Variants in NLRP6 observed in about 807,000 individuals in gnomAD.
NLRP6 encodes NACHT, LRR and PYD domains-containing protein 6.
NLRP6 carries 55 observed loss-of-function variants against 70.9 expected under a neutral mutation model. That is an observed-to-expected ratio of 0.78 (90% CI 0.62 to 0.97). The LOEUF (loss-of-function observed/expected upper bound fraction) is 0.97. Among genes scored for constraint, NLRP6 ranks in the 50% least tolerant of loss-of-function variants. NLRP6 has a pLI of 0.00. For synonymous variants in NLRP6, 652 were observed against 581.9 expected (o/e 1.12, Z -1.73); for missense variants, 1,241 against 1,238.3 (o/e 1.00, Z -0.03).
chr11:280,573 G>T lies in NLRP6; in HGVS notation c.839G>T (p.Gly280Val). 1 of 1,467,120 alleles carries T rather than the reference G, an allele frequency of 6.8e-7. No individual in the cohort carries two copies. The highest frequency in any genetic ancestry group is 1.4e-5 in the South Asian group (1 of 72,426). The allele number at this position is 1,467,120 out of a possible 1,614,324, so 90.9% of individuals were successfully genotyped here. A position where few individuals can be genotyped will look rare whatever the true frequency, so the allele number is the denominator to read the frequency against. ...CAGCGGCTGCTCTTCATCCTGGACG[G>T]CGCGGACGAGCTGCCGGCGCTGGGG... The part of the protein sequence containing the change: ...QPQRLLFILD[G>V]ADELPALGGP... The change falls in exon 4 of 8, where the codon GGC becomes GTC. Residue 280 changes from glycine to valine, a missense_variant. Gly to Val is a moderately radical substitution (Grantham distance 109). Transcript: ENST00000534750.
chr11:283,086 C>T (rs1299197233), intron 5 of NLRP6, among the ~76,000 whole-genome samples: 3 of 152,134 alleles, frequency 2.0e-5, no homozygotes, highest in Admixed American at 6.5e-5. Context: ...AGTGTATTTT[C>T]CTTCTGAAGG....
rs1243591459 is a variant in NLRP6, at chr11:285,245, A to G, written c.2617A>G (p.Thr873Ala). 3.7e-6 allele frequency: 6 copies of G among 1,607,184 alleles called. No homozygotes were observed. The highest frequency in any genetic ancestry group is 5.1e-6 in the Non-Finnish European group (6 of 1,176,466). The change falls in exon 8 of 8, where the codon ACA becomes GCA. Residue 873 changes from threonine (T) to alanine (A), a missense_variant. Transcript: ENST00000534750. ...VKRAKPDLVI[T>A]HPALDGHPQP... ...GAGAGCAAAGCCGGATCTGGTCATC[A>G]CACACCCAGCGCTGGACGGCCACCC...
chr11:282,693 C>T lies in NLRP6; in HGVS notation c.2106-12C>T, dbSNP rs760763632. On this transcript the variant is annotated splice_polypyrimidine_tract_variant and intron_variant, in intron 4 of 7. Transcript: ENST00000534750. ...AGCAGGGTGGGCTTCACCTTCCTCT[C>T]TCTCCCAGCAGTTCTCAAGGCACCA... 4 of 1,609,696 alleles carry T rather than the reference C, an allele frequency of 2.5e-6. No individual in the cohort carries two copies. In the South Asian group the frequency reaches 4.4e-5, roughly 18 times the overall value.
Position 285,187 on chromosome 11 carries a change from C to A in NLRP6, c.2559C>A (p.Ser853Arg). The change falls in exon 8 of 8, where the codon AGC becomes AGA. Residue 853 changes from serine to arginine, a missense_variant. By Grantham distance (110) the Ser-to-Arg change is moderately radical. Transcript: ENST00000534750. ...QTLSLASVEL[S>R]EQSLQELQAV... ...GCAGTCTGGCCTCTGTGGAGCTGAGCGAGCAGTCACTACAGGAGCTTCAGG... is the reference window on the plus strand; with the variant it reads ...GCAGTCTGGCCTCTGTGGAGCTGAGAGAGCAGTCACTACAGGAGCTTCAGG... 2 of 1,591,808 alleles carry A rather than the reference C, an allele frequency of 1.3e-6. No individual in the cohort carries two copies. The highest frequency in any genetic ancestry group is 1.7e-6 in the Non-Finnish European group (2 of 1,168,806).
chr11:284,372 TG>T lies in NLRP6; in HGVS notation c.2343del (p.Trp781CysfsTer33), dbSNP rs1262010148. 6.2e-7 allele frequency: 1 copy of T among 1,602,784 alleles called. No homozygotes were observed. Among genetic ancestry groups the T allele is most frequent in the Non-Finnish European group, 8.5e-7 (1 of 1,173,368 alleles). ...GLRMLSEGLA[W>X]PQCRVQTVRV... ...GCGTATGCTGAGTGAGGGCCTAGCCTGGCCGCAGTGCAGGGTGCAGACGGTC... is the reference window on the plus strand; with the variant it reads ...GCGTATGCTGAGTGAGGGCCTAGCCTGCCGCAGTGCAGGGTGCAGACGGTC... On this transcript the variant is annotated frameshift_variant, in exon 6 of 8. Transcript: ENST00000534750. LOFTEE classifies it high-confidence loss of function.
At chr11:283,859 A>G (rs1317202760) in intron 5 of NLRP6, among the ~76,000 whole-genome samples, 2 of 151,740 alleles carry the variant, frequency 1.3e-5, no homozygotes, top group Non-Finnish European at 2.9e-5. Context: ...GATGTTCAGC[A>G]CACCATTATT....
chr11:281,757 A>C lies in NLRP6; in HGVS notation c.2023A>C (p.Ile675Leu). ...CCCTGCTGGACAGGCACTGCGGCTG[A>C]TCAGCTGCAGATTGGTTGCTGCGCA... Reference protein sequence around the residue: ...CCPAGQALRLISCRLVAAQEK... With the variant: ...CCPAGQALRLLSCRLVAAQEK... Residue 675 changes from isoleucine (I) to leucine (L), a missense_variant, in exon 4 of 8, where the codon ATC becomes CTC. By Grantham distance (5) the Ile-to-Leu change is conservative. Coordinates refer to ENST00000534750, the MANE Select transcript of NLRP6 (RefSeq NM_001276700.2). 1 of 1,611,448 alleles carries C rather than the reference A, an allele frequency of 6.2e-7. No individual in the cohort carries two copies.
At position 281,243 on chromosome 11, in the gene NLRP6, G is replaced by T. The variant is rs1367634239; in HGVS notation, c.1509G>T (p.Gln503His). 6.2e-7 allele frequency: 1 copy of T among 1,613,184 alleles called. No homozygotes were observed. Among genetic ancestry groups the T allele is most frequent in the East Asian group, 2.2e-5 (1 of 44,884 alleles). ...VTYQFIDQSF[Q>H]EFLAALSYLL... is the part of the protein sequence containing the mutation. The stretch of plus-strand genomic sequence containing the variant: ...ACCAGTTCATCGACCAGAGCTTCCA[G>T]GAGTTCCTCGCGGCACTGTCCTACC... Residue 503 changes from glutamine (Q) to histidine (H), a missense_variant, in exon 4 of 8, where the codon CAG becomes CAT. By Grantham distance (24) the Gln-to-His change is conservative. Transcript: ENST00000534750.
rs771540698 is a variant in NLRP6 at position 280,638 on chromosome 11, G to A, written c.904G>A (p.Ala302Thr). Residue 302 changes from alanine to threonine, a missense_variant, in exon 4 of 8, where the codon GCG (alanine) becomes ACG (threonine). Coordinates refer to ENST00000534750, the MANE Select transcript of NLRP6 (RefSeq NM_001276700.2). ...AAPCTDPFEA[A>T]SGARVLGGLL... is the part of the protein sequence containing the mutation. ...GCCCTGCACAGACCCCTTCGAGGCG[G>A]CGAGCGGCGCGCGGGTGCTAGGCGG... 1 of 1,504,192 alleles carries A rather than the reference G, an allele frequency of 6.6e-7. No individual in the cohort carries two copies. The highest frequency in any genetic ancestry group is 2.6e-5 in the East Asian group (1 of 38,574). 93.2% of individuals were successfully genotyped at this position (1,504,192 alleles called of 1,614,324 possible). A position where few individuals can be genotyped will look rare whatever the true frequency, so the allele number is the denominator to read the frequency against.
In NLRP6 at chr11:278,587, C is replaced by G. The variant is rs201563236; in HGVS notation, c.18C>G (p.Ala6=). Residue 6 remains alanine, a synonymous_variant, in exon 1 of 8, where the codon GCC becomes GCG. Transcript: ENST00000534750. This position sits in a 1 kb window ranked among gnomAD's most constrained non-coding sequence, Gnocchi z 4.7. MDQPE[A]PCSSTGPRLA... ...GAGACCCCATGGACCAGCCAGAGGC[C>G]CCCTGCTCCAGGTGAGTGCTGGCCC... 6.3e-7 allele frequency: 1 copy of G among 1,590,440 alleles called. No individual in the cohort carries two copies.
chr11:281,941 C>T, intron 4 of NLRP6, 102 bp downstream of exon 4: 1 of 1,093,096 alleles, frequency 9.1e-7, no homozygotes, highest in Non-Finnish European at 1.3e-6. Flanking sequence ...CACCTCCAGA[C>T]CAGACCCTGG....
chr11:280,637 G>A lies in NLRP6; in HGVS notation c.903G>A (p.Ala301=). The change falls in exon 4 of 8, where the codon GCG becomes GCA. Residue 301 remains alanine, a synonymous_variant. Coordinates refer to ENST00000534750, the MANE Select transcript of NLRP6 (RefSeq NM_001276700.2). ...EAAPCTDPFE[A]ASGARVLGGL... ...CGCCCTGCACAGACCCCTTCGAGGC[G>A]GCGAGCGGCGCGCGGGTGCTAGGCG... 1 of 1,503,620 alleles carries A rather than the reference G, an allele frequency of 6.7e-7. No individual in the cohort carries two copies. Among genetic ancestry groups the A allele is most frequent in the South Asian group, 1.3e-5 (1 of 77,598 alleles). The allele number at this position is 1,503,620 out of a possible 1,614,324, so 93.1% of individuals were successfully genotyped here. A position where few individuals can be genotyped will look rare whatever the true frequency, so the allele number is the denominator to read the frequency against.
rs773040482 is a variant in NLRP6 at position 284,530 on chromosome 11, C to T, written c.2425C>T (p.Gln809Ter). Reference sequence around the variant, plus strand: ...CCAGTACCTGGTGGGTATGCTTCGGCAGAGCCCTGCCCTGACCACCCTGGA... The same window carrying T: ...CCAGTACCTGGTGGGTATGCTTCGGTAGAGCCCTGCCCTGACCACCCTGGA... ...GLQYLVGMLR[Q>*]SPALTTLDLS... The change falls in exon 7 of 8, where the codon CAG becomes TAG. Residue 809 changes from glutamine to a stop codon, truncating the protein, a stop_gained. Coordinates refer to ENST00000534750, the MANE Select transcript of NLRP6 (RefSeq NM_001276700.2). LOFTEE classifies it high-confidence loss of function. 3 of 1,613,042 alleles carry T rather than the reference C, an allele frequency of 1.9e-6. No homozygotes were observed. The highest frequency in any genetic ancestry group is 1.3e-5 in the African/African-American group (1 of 75,022).
intron 5 of NLRP6, among the ~76,000 whole-genome samples, chr11:283,608 C>T (rs560297143): frequency 3.7e-4 from 57 of 152,224 alleles, no homozygotes; most frequent in South Asian, 2.3e-3. Flanking sequence ...CCACCGCGCC[C>T]GGCCACATGT....
Position 281,806 on chromosome 11 carries a change from G to T in NLRP6, c.2072G>T (p.Gly691Val). 1 of 1,593,290 alleles carries T rather than the reference G, an allele frequency of 6.3e-7. No individual in the cohort carries two copies. The change falls in exon 4 of 8, where the codon GGG becomes GTG. Residue 691 changes from glycine (G) to valine (V), a missense_variant. Gly to Val is a moderately radical substitution (Grantham distance 109). Transcript: ENST00000534750. Reference sequence around the variant, plus strand: ...CAGGAGAAGAAGAAGAAGAGCCTGGGGAAGCGGCTCCAGGCCAGCCTGGGT... The same window carrying T: ...CAGGAGAAGAAGAAGAAGAGCCTGGTGAAGCGGCTCCAGGCCAGCCTGGGT... ...AAQEKKKKSLGKRLQASLGGG... is the reference protein window; with the variant it reads ...AAQEKKKKSLVKRLQASLGGG...
chr11:279,954 A>AG, intron 3 of NLRP6, 82 bp downstream of exon 3: 3 of 1,424,708 alleles, frequency 2.1e-6, no homozygotes, highest in Non-Finnish European at 2.8e-6. Context: ...GAGGGCCGCC[A>AG]GGGGCGTGGG....
At chr11:284,194 C>T (rs368443580) in intron 5 of NLRP6, 36 bp from the exon 6 acceptor site, 131 of 1,600,584 alleles carry the variant, frequency 8.2e-5, no homozygotes, top group South Asian at 1.8e-4. Flanking sequence ...GTGGCTGAGG[C>T]GCCTGCAGGT....
intron 1 of NLRP6, 127 bp from the exon 2 acceptor site, chr11:279,200 C>A: frequency 3.6e-6 from 3 of 827,064 alleles, no homozygotes; most frequent in Non-Finnish European, 4.8e-6. Context: ...CCCCATGGAT[C>A]CAGACGATGC....
intron 7 of NLRP6, 63 bp downstream of exon 7, chr11:284,705 GC>G: frequency 6.7e-7 from 1 of 1,481,864 alleles, no homozygotes. Context: ...GGGGGAGGGT[GC>G]CTGGGGGCTC....
Sources: gnomAD v4.1 joint callset for allele counts (sites outside exome capture counted in the v4.1 genomes callset) on GRCh38, gnomAD v4.1.1 for gene constraint, Gnocchi (gnomAD v3.1) non-coding constraint, MANE v1.5 for transcripts, NCBI Gene and HGNC (gene_info 2026-07-23, HGNC 2026-07-21) for gene names.